NSDHL: variants seen among roughly 807,000 people sequenced by gnomAD.
NSDHL encodes sterol-4-alpha-carboxylate 3-dehydrogenase, decarboxylating.
NSDHL carries 1 observed loss-of-function variant against 23.0 expected under a neutral mutation model. The observed-to-expected ratio is 0.04, with a 90% CI of 0.02 to 0.21. The LOEUF (loss-of-function observed/expected upper bound fraction) is 0.21. Among genes scored for constraint, NSDHL ranks in the 10% least tolerant of loss-of-function variants. The pLI is 1.00. For synonymous variants in NSDHL, 128 were observed against 121.1 expected, an observed-to-expected ratio of 1.06 and a Z score of -0.37; for missense variants, 237 against 300.9, an observed-to-expected ratio of 0.79 and a Z score of 1.57.
intron 4 of NSDHL, 25 bp from the exon 5 acceptor site, chrX:152,862,570 TA>T (rs1556847632): frequency 8.3e-7 from 1 of 1,198,993 alleles, no homozygotes; most frequent in Non-Finnish European, 1.1e-6. Flanking sequence ...TTGTGACTTT[TA>T]TTTTTTCTGA....
At chrX:152,860,080 G>A (rs1039954674) in intron 4 of NSDHL, among the ~76,000 whole-genome samples, 3 of 112,149 alleles carry the variant, frequency 2.7e-5, no homozygotes, top group South Asian at 3.7e-4. Flanking sequence ...AAGCCAGGGG[G>A]TTCCTCTCCC....
chrX:152,847,341 A>G (rs782031805), intron 2 of NSDHL, among the ~76,000 whole-genome samples: 2 of 111,989 alleles, frequency 1.8e-5, no homozygotes, highest in Non-Finnish European at 3.8e-5. Flanking sequence ...AAACAACGTA[A>G]TTACATCAAG....
chrX:152,863,094 G>A (rs1012309410), intron 5 of NSDHL, among the ~76,000 whole-genome samples: 15 of 110,224 alleles, frequency 1.4e-4, no homozygotes, highest in African/African-American at 4.6e-4. Flanking sequence ...CCTGGGAGGC[G>A]GAGGTTGCAG....
chrX:152,844,490 C>T (rs1272836780), intron 1 of NSDHL, among the ~76,000 whole-genome samples: 1 of 112,669 alleles, frequency 8.9e-6, no homozygotes, highest in African/African-American at 3.2e-5. Context: ...CTCAGATCCC[C>T]TGCCAGCAGA....
intron 3 of NSDHL, among the ~76,000 whole-genome samples, chrX:152,851,762 C>T (rs12858199): frequency 9.0e-6 from 1 of 110,956 alleles, no homozygotes; most frequent in Non-Finnish European, 1.9e-5. Context: ...GCCGCCTGCT[C>T]CCCTTCCCAG....
At chrX:152,855,258 G>A (rs1933426657) in intron 3 of NSDHL, among the ~76,000 whole-genome samples, 1 of 110,853 alleles carries the variant, frequency 9.0e-6, no homozygotes, top group South Asian at 3.9e-4. Flanking sequence ...GCCTCCCAAA[G>A]TGCTCGGATT....
chrX:152,838,326 C>G (rs1933134238), intron 1 of NSDHL, among the ~76,000 whole-genome samples: 2 of 111,631 alleles, frequency 1.8e-5, no homozygotes, highest in Non-Finnish European at 3.8e-5. Context: ...TTAGTTATTT[C>G]TTACCTTCTG....
chrX:152,844,472 A>T (rs1933241313), intron 1 of NSDHL, among the ~76,000 whole-genome samples: 1 of 112,450 alleles, frequency 8.9e-6, no homozygotes, highest in Admixed American at 9.4e-5. Context: ...TGCCCCAGGC[A>T]CACGCCCCTC....
intron 1 of NSDHL, among the ~76,000 whole-genome samples, chrX:152,835,087 AAGG>A (rs1933071211): frequency 8.9e-6 from 1 of 111,768 alleles, no homozygotes; most frequent in African/African-American, 3.3e-5. Flanking sequence ...CCCCAGCAGG[AAGG>A]AGGAGGTTGG....
At chrX:152,831,795 GCTATCCCCGTGGCTTTTAGC>G (rs1933017986) in intron 1 of NSDHL, 1 of 111,245 alleles carries the variant, frequency 9.0e-6, no homozygotes, top group South Asian at 3.8e-4. Context: ...GCCCTCTTTA[GCTATCCCCGTGGCTTTTAGC>G]CTTCACCTGT....
In NSDHL at chrX:152,834,721, G is replaced by A. The variant is rs782476140; in HGVS notation, c.-44+3604G>A. Reference sequence around the variant, plus strand: ...TCCTGCAGAGGAGGCCAAGCATGAGGCATGAGGTGATGGGAAATAGGGGAA... The same window carrying A: ...TCCTGCAGAGGAGGCCAAGCATGAGACATGAGGTGATGGGAAATAGGGGAA... On this transcript the variant is annotated intron_variant, in intron 1 of 7. Coordinates refer to ENST00000370274, the MANE Select transcript of NSDHL (RefSeq NM_015922.3). Among the ~76,000 whole-genome samples the A allele has an allele frequency of 1.2e-4, 13 of 113,004 alleles. No homozygotes were observed. The South Asian group carries it at 4.7e-3, about 40-fold the overall frequency.
chrX:152,845,810 T>G (rs1325390666), intron 1 of NSDHL, among the ~76,000 whole-genome samples: 1 of 111,580 alleles, frequency 9.0e-6, no homozygotes, highest in Admixed American at 9.5e-5. Flanking sequence ...CCCATTTCAT[T>G]GATGGGAAAA....
intron 1 of NSDHL, among the ~76,000 whole-genome samples, chrX:152,835,065 C>T (rs1556843900): frequency 8.9e-6 from 1 of 111,997 alleles, no homozygotes; most frequent in Admixed American, 9.5e-5. Context: ...CCTTTTCCCT[C>T]CAGGAAATGT....
intron 2 of NSDHL, among the ~76,000 whole-genome samples, chrX:152,849,826 C>T (rs1431637404): frequency 8.9e-6 from 1 of 112,920 alleles, no homozygotes; most frequent in Admixed American, 9.3e-5. Flanking sequence ...GTTTTCAGTG[C>T]AAGCTATCAG....
At position 152,869,080 on chromosome X, in the gene NSDHL, C is replaced by T. The variant is rs782463366; in HGVS notation, c.1086C>T (p.Thr362=). ...CCATGGATGATGCTATGGAGAGGACCGTGCAGAGCTTTCGCCACCTGCGGA... is the reference window on the plus strand; with the variant it reads ...CCATGGATGATGCTATGGAGAGGACTGTGCAGAGCTTTCGCCACCTGCGGA... ...LVTMDDAMER[T]VQSFRHLRRV... Residue 362 remains threonine (T), a synonymous_variant, in exon 8 of 8, where the codon ACC becomes ACT. Transcript: ENST00000370274. 2.7e-5 allele frequency: 33 copies of T among 1,210,468 alleles called. No homozygotes were observed. Among genetic ancestry groups the T allele is most frequent in the Middle Eastern group, 4.6e-4 (2 of 4,376 alleles).
rs144891548 is a variant in NSDHL at position 152,846,407 on chromosome X, A to G, written c.83A>G (p.Asp28Gly). Reference sequence around the variant, plus strand: ...GAGGACACTCCCAAAGTGAATGCTGACATAGAAAAGGTTAACCAGAATCAG... The same window carrying G: ...GAGGACACTCCCAAAGTGAATGCTGGCATAGAAAAGGTTAACCAGAATCAG... ...LTEDTPKVNA[D>G]IEKVNQNQAK... The change falls in exon 2 of 8, where the codon GAC (aspartate) becomes GGC (glycine). Residue 28 changes from aspartate (D) to glycine (G), a missense_variant. Coordinates refer to ENST00000370274, the MANE Select transcript of NSDHL (RefSeq NM_015922.3). 1.8e-5 allele frequency: 22 copies of G among 1,203,627 alleles called. No homozygotes were observed. The African/African-American group carries it at 3.7e-4, about 20-fold the overall frequency.
chrX:152,859,987 C>T (rs1397300737), intron 4 of NSDHL, among the ~76,000 whole-genome samples: 2 of 112,237 alleles, frequency 1.8e-5, no homozygotes, highest in Non-Finnish European at 3.8e-5. Flanking sequence ...CTGGCTAAAA[C>T]GGCTCCCTGT....
In NSDHL at chrX:152,862,010, G is replaced by A. The variant is rs183088882; in HGVS notation, c.415-586G>A. On this transcript the variant is annotated intron_variant, in intron 4 of 7. Transcript: ENST00000370274. ...TTCTCATACAATGTTGAATAAGAAT[G>A]GGAACGATATGATTCATGCTAATGG... Among the ~76,000 whole-genome samples, 389 of 112,515 alleles carry A rather than the reference G, an allele frequency of 3.5e-3. 3 individuals are homozygous for A. Among genetic ancestry groups the A allele is most frequent in the African/African-American group, 0.012 (364 of 30,963 alleles).
chrX:152,856,459 G>A (rs1336074239), intron 3 of NSDHL, among the ~76,000 whole-genome samples: 1 of 111,434 alleles, frequency 9.0e-6, no homozygotes, highest in East Asian at 2.8e-4. Context: ...TTCCCTCTGG[G>A]GTATTATTAC....
Sources: gnomAD v4.1 joint callset for allele counts (sites outside exome capture counted in the v4.1 genomes callset) on GRCh38, gnomAD v4.1.1 for gene constraint, MANE v1.5 for transcripts, NCBI Gene and HGNC (gene_info 2026-07-23, HGNC 2026-07-21) for gene names.